Variants in MARCHF1 observed in about 807,000 individuals in gnomAD.
MARCHF1 encodes the protein E3 ubiquitin-protein ligase MARCHF1.
A neutral mutation model predicts 54.2 loss-of-function variants in MARCHF1; 40 were observed. The observed-to-expected ratio is 0.74, with a 90% CI of 0.57 to 0.96. The LOEUF (loss-of-function observed/expected upper bound fraction) is 0.96, where lower values mean the gene tolerates loss of function less well. MARCHF1 is among the 40% of genes least tolerant of loss of function. The pLI is 0.00. For synonymous variants in MARCHF1, 236 were observed against 236.3 expected (o/e 1.00, Z 0.01); for missense variants, 586 against 656.5 (o/e 0.89, Z 1.17).
At chr4:163,940,982 A>G (rs1026174746) in intron 3 of MARCHF1, among the ~76,000 whole-genome samples, 3 of 152,124 alleles carry the variant, frequency 2.0e-5, no homozygotes, top group Non-Finnish European at 4.4e-5. Flanking sequence ...TTGGGGAGAC[A>G]TAGAGGTATA....
intron 1 of MARCHF1, among the ~76,000 whole-genome samples, chr4:164,322,328 G>T (rs552845953): frequency 2.4e-4 from 37 of 152,018 alleles, no homozygotes; most frequent in African/African-American, 8.4e-4. Flanking sequence ...AAGTGATAAA[G>T]AAAGACAATA....
At chr4:164,078,081 C>T (rs1448093341) in intron 2 of MARCHF1, among the ~76,000 whole-genome samples, 6 of 152,106 alleles carry the variant, frequency 3.9e-5, no homozygotes, top group African/African-American at 1.2e-4. Context: ...CACATGCACA[C>T]GTATGTTTAT....
chr4:163,633,866 A>C (rs1167034755), intron 5 of MARCHF1, among the ~76,000 whole-genome samples: 1 of 152,220 alleles, frequency 6.6e-6, no homozygotes, highest in Non-Finnish European at 1.5e-5. Flanking sequence ...GTTACCCTCA[A>C]AGGGAAGCCC....
rs762375248 is a variant in MARCHF1, at chr4:164,233,573, C to T, written c.-322-121911G>A. Reference sequence around the variant, plus strand: ...GGACTGAACTACTCTAGGCCAACCACGGGACAGGACTGGTGGCTGCGGATG... The same window carrying T: ...GGACTGAACTACTCTAGGCCAACCATGGGACAGGACTGGTGGCTGCGGATG... On this transcript the variant is annotated intron_variant, in intron 1 of 9. Coordinates refer to ENST00000514618, the MANE Select transcript of MARCHF1 (RefSeq NM_001394959.1). 3.9e-5 allele frequency among the ~76,000 whole-genome samples: 6 copies of T among 152,212 alleles called. No homozygotes were observed. The East Asian group carries it at 5.8e-4, about 15-fold the overall frequency.
Position 164,127,033 on chromosome 4 carries a change from G to A in MARCHF1, c.-322-15371C>T, listed in dbSNP as rs1027669929. Reference sequence around the variant, plus strand: ...TGTGCCATTGCACTCTACCCTGGGCGACAGAGTGAAACTCCGTCTCAAAAC... The same window carrying A: ...TGTGCCATTGCACTCTACCCTGGGCAACAGAGTGAAACTCCGTCTCAAAAC... On this transcript the variant is annotated intron_variant, in intron 1 of 9. Transcript: ENST00000514618. 5.4e-5 allele frequency among the ~76,000 whole-genome samples: 7 copies of A among 129,086 alleles called. No individual in the cohort carries two copies. In the South Asian group the frequency reaches 8.4e-4, roughly 15 times the overall value. The allele number at this position is 129,086 out of a possible 152,430, so 84.7% of individuals were successfully genotyped here.
At chr4:163,608,616 T>G (rs1340307023) in intron 7 of MARCHF1, among the ~76,000 whole-genome samples, 1 of 152,016 alleles carries the variant, frequency 6.6e-6, no homozygotes, top group Non-Finnish European at 1.5e-5. Context: ...GAAATAACTG[T>G]GGGTATAATA....
rs183235941 is a variant in MARCHF1, at chr4:164,138,221, T to A, written c.-322-26559A>T. Among the ~76,000 whole-genome samples, 278 of 149,894 alleles carry A rather than the reference T, an allele frequency of 1.9e-3. 2 individuals are homozygous for A. Among genetic ancestry groups the A allele is most frequent in the African/African-American group, 6.6e-3 (270 of 40,932 alleles). On this transcript the variant is annotated intron_variant, in intron 1 of 9. Coordinates refer to ENST00000514618, the MANE Select transcript of MARCHF1 (RefSeq NM_001394959.1). ...TTACTGATCTCTGGCATTACCTAGGTTTTTTTTTTCTTTTGCAATTGTAAC... is the reference window on the plus strand; with the variant it reads ...TTACTGATCTCTGGCATTACCTAGGATTTTTTTTTCTTTTGCAATTGTAAC...
At chr4:164,377,284 C>T (rs945790403) in intron 1 of MARCHF1, among the ~76,000 whole-genome samples, 5 of 152,132 alleles carry the variant, frequency 3.3e-5, no homozygotes, top group Non-Finnish European at 7.4e-5. Context: ...TCAGGTATAA[C>T]CTGAATTAAC....
intron 8 of MARCHF1, among the ~76,000 whole-genome samples, chr4:163,582,220 T>C (rs1740254300): frequency 6.6e-6 from 1 of 152,202 alleles, no homozygotes; most frequent in African/African-American, 2.4e-5. Flanking sequence ...CATTTTGACT[T>C]TTCTGGGCCC....
At chr4:163,831,922 C>T (rs1401750352) in intron 4 of MARCHF1, among the ~76,000 whole-genome samples, 4 of 152,132 alleles carry the variant, frequency 2.6e-5, no homozygotes, top group Admixed American at 2.6e-4. Flanking sequence ...ACTTAACAAG[C>T]TTGGAGTTTG....
At chr4:164,196,875 G>GA (rs1560948919) in intron 1 of MARCHF1, 7 of 1,143,302 alleles carry the variant, frequency 6.1e-6, no homozygotes, top group South Asian at 1.4e-5. Context: ...GTTACAATCA[G>GA]AAAAAAGTAA....
At chr4:164,147,567 A>G (rs1382399472) in intron 1 of MARCHF1, among the ~76,000 whole-genome samples, 7 of 136,794 alleles carry the variant, frequency 5.1e-5, no homozygotes, top group African/African-American at 1.1e-4. Context: ...GTAAACTATC[A>G]CAAGAACCAA....
At chr4:163,739,213 G>A (rs771755324) in intron 4 of MARCHF1, among the ~76,000 whole-genome samples, 3 of 152,094 alleles carry the variant, frequency 2.0e-5, no homozygotes, top group Non-Finnish European at 4.4e-5. Context: ...ACATTGAGTG[G>A]TGAAGGGATT....
chr4:163,685,849 A>G (rs1172763993), intron 5 of MARCHF1, among the ~76,000 whole-genome samples: 1 of 152,212 alleles, frequency 6.6e-6, no homozygotes, highest in East Asian at 1.9e-4. Flanking sequence ...TGTGTGTCAC[A>G]CTGAAGAAAA....
intron 2 of MARCHF1, among the ~76,000 whole-genome samples, chr4:163,999,209 G>C (rs1399132098): frequency 6.6e-6 from 1 of 151,174 alleles, no homozygotes; most frequent in Admixed American, 6.6e-5. Flanking sequence ...ACATGTTGTA[G>C]TTTATAAATA....
intron 5 of MARCHF1, among the ~76,000 whole-genome samples, chr4:163,664,688 T>C (rs1743469744): frequency 6.6e-6 from 1 of 152,062 alleles, no homozygotes; most frequent in Admixed American, 6.6e-5. Flanking sequence ...TATATAGGGC[T>C]TAGGACAGAA....
intron 1 of MARCHF1, among the ~76,000 whole-genome samples, chr4:164,273,860 G>A (rs1733803409): frequency 6.6e-6 from 1 of 152,130 alleles, no homozygotes; most frequent in Non-Finnish European, 1.5e-5. Flanking sequence ...ATCTCTAGAA[G>A]AGTACCATAA....
intron 2 of MARCHF1, among the ~76,000 whole-genome samples, chr4:164,022,583 AC>A (rs1241587715): frequency 6.6e-6 from 1 of 152,212 alleles, no homozygotes; most frequent in Non-Finnish European, 1.5e-5. Flanking sequence ...TGTATCTACC[AC>A]AGACATTTGA....
chr4:163,933,715 C>A (rs969401119), intron 3 of MARCHF1, among the ~76,000 whole-genome samples: 1 of 152,212 alleles, frequency 6.6e-6, no homozygotes, highest in African/African-American at 2.4e-5. Context: ...CTAATGTATT[C>A]CTTTTTAGTA....
Sources: gnomAD v4.1 joint callset for allele counts (sites outside exome capture counted in the v4.1 genomes callset) on GRCh38, gnomAD v4.1.1 for gene constraint, MANE v1.5 for transcripts, NCBI Gene and HGNC (gene_info 2026-07-23, HGNC 2026-07-21) for gene names.